CSMD1: variants seen among roughly 807,000 people sequenced by gnomAD.
CSMD1 encodes the protein CUB and sushi domain-containing protein 1.
CSMD1 carries 213 observed loss-of-function variants against 417.5 expected under a neutral mutation model. The observed-to-expected ratio is 0.51, with a 90% confidence interval of 0.46 to 0.57. CSMD1 has a LOEUF of 0.57. Among genes scored for constraint, CSMD1 ranks in the 20% least tolerant of loss-of-function variants. CSMD1 has a pLI of 0.00. For synonymous variants in CSMD1, 2,862 were observed against 1,736.8 expected (o/e 1.65, Z -16.11); for missense variants, 6,923 against 4,529.7 (o/e 1.53, Z -15.17).
chr8:3,494,727 G>C, intron 10 of CSMD1, among the ~76,000 whole-genome samples: 1 of 152,096 alleles, frequency 6.6e-6, no homozygotes, highest in East Asian at 1.9e-4. Flanking sequence ...CAAGAGAGAC[G>C]CAGAGGGTGT....
At chr8:4,117,900 T>C (rs1802250673) in intron 3 of CSMD1, among the ~76,000 whole-genome samples, 1 of 150,556 alleles carries the variant, frequency 6.6e-6, no homozygotes, top group Non-Finnish European at 1.5e-5. Flanking sequence ...AGGAAAGACA[T>C]TTAAAACTAG....
At chr8:3,276,342 A>G (rs1005665607) in intron 26 of CSMD1, among the ~76,000 whole-genome samples, 1 of 152,170 alleles carries the variant, frequency 6.6e-6, no homozygotes, top group East Asian at 1.9e-4. Flanking sequence ...ATGGAAATGC[A>G]GAAATCACCC....
At chr8:3,391,718 T>G (rs1377314559) in intron 17 of CSMD1, among the ~76,000 whole-genome samples, 7 of 152,204 alleles carry the variant, frequency 4.6e-5, no homozygotes, top group African/African-American at 1.7e-4. Flanking sequence ...GTAGCTCACA[T>G]TGCCTTGTAG....
At chr8:3,724,572 G>C (rs191404502) in intron 6 of CSMD1, among the ~76,000 whole-genome samples, 1 of 152,010 alleles carries the variant, frequency 6.6e-6, no homozygotes, top group African/African-American at 2.4e-5. Context: ...CCTTCCTCTG[G>C]GCTGGGAGAG....
In CSMD1 at chr8:3,586,222, T is replaced by C. The variant is rs1412878204; in HGVS notation, c.1136A>G (p.Tyr379Cys). 5.0e-6 allele frequency: 8 copies of C among 1,610,624 alleles called. No individual in the cohort carries two copies. The highest frequency in any genetic ancestry group is 5.1e-6 in the Non-Finnish European group (6 of 1,179,274). ...ANVQFSCEDNYVLQGSKSITC... is the reference protein window; with the variant it reads ...ANVQFSCEDNCVLQGSKSITC... ...GATGCTTTTAGATCCCTGGAGCACG[T>C]AATTGTCCTCACATGAAAACTGTAC... The change falls in exon 9 of 70, where the codon TAC becomes TGC. Residue 379 changes from tyrosine (Y) to cysteine (C), a missense_variant. By Grantham distance (194) the Tyr-to-Cys change is radical. Coordinates refer to ENST00000635120, the MANE Select transcript of CSMD1 (RefSeq NM_033225.6).
chr8:3,328,513 G>A (rs1806683940), intron 23 of CSMD1, among the ~76,000 whole-genome samples: 1 of 152,164 alleles, frequency 6.6e-6, no homozygotes. Context: ...TGTTCAGACT[G>A]TCATATGATC....
chr8:3,409,816 T>C (rs1314907650), intron 12 of CSMD1, among the ~76,000 whole-genome samples: 1 of 152,194 alleles, frequency 6.6e-6, no homozygotes, highest in Admixed American at 6.5e-5. Flanking sequence ...GGTATTTAAT[T>C]TGCTATCTTT....
chr8:3,984,013 G>C (rs1189731818), intron 5 of CSMD1, among the ~76,000 whole-genome samples: 2 of 148,540 alleles, frequency 1.3e-5, no homozygotes, highest in East Asian at 3.9e-4. Flanking sequence ...TGATGGGGCT[G>C]TCAATTGCAG....
At chr8:3,595,036 C>T (rs1165588302) in intron 8 of CSMD1, among the ~76,000 whole-genome samples, 1 of 152,204 alleles carries the variant, frequency 6.6e-6, no homozygotes, top group Non-Finnish European at 1.5e-5. Context: ...ATCCACGCGG[C>T]ACGTGAACCC....
intron 1 of CSMD1, among the ~76,000 whole-genome samples, chr8:4,697,462 A>C (rs1385334270): frequency 1.3e-5 from 2 of 152,136 alleles, no homozygotes; most frequent in African/African-American, 4.8e-5. Flanking sequence ...AATACGTAAA[A>C]AATTTGGCAG....
chr8:3,158,317 A>G (rs1262657777), intron 38 of CSMD1, among the ~76,000 whole-genome samples: 1 of 152,028 alleles, frequency 6.6e-6, no homozygotes, highest in Non-Finnish European at 1.5e-5. Context: ...CTTTTGGCCT[A>G]AGAAGCTGAA....
intron 3 of CSMD1, among the ~76,000 whole-genome samples, chr8:4,302,546 G>C (rs184303359): frequency 6.6e-6 from 1 of 152,116 alleles, no homozygotes; most frequent in Non-Finnish European, 1.5e-5. Flanking sequence ...AGACCGTCTT[G>C]AAAGTCAGGT....
At chr8:4,722,135 A>G (rs1225178726) in intron 1 of CSMD1, among the ~76,000 whole-genome samples, 2 of 152,098 alleles carry the variant, frequency 1.3e-5, no homozygotes, top group African/African-American at 4.8e-5. Context: ...TGTATACTGG[A>G]AATTTACTAA....
chr8:4,039,461 A>G (rs1348474629), intron 3 of CSMD1, among the ~76,000 whole-genome samples: 1 of 152,140 alleles, frequency 6.6e-6, no homozygotes, highest in Admixed American at 6.5e-5. Context: ...GAAACCTTAC[A>G]TTTCTTCTCT....
chr8:4,447,116 G>T (rs1798861985), intron 2 of CSMD1, among the ~76,000 whole-genome samples: 1 of 152,038 alleles, frequency 6.6e-6, no homozygotes, highest in Admixed American at 6.6e-5. Context: ...TTACTTAAAT[G>T]TACATTTGCA....
At chr8:4,454,410 A>G (rs2129867089) in intron 2 of CSMD1, among the ~76,000 whole-genome samples, 1 of 152,278 alleles carries the variant, frequency 6.6e-6, no homozygotes, top group South Asian at 2.1e-4. Context: ...TACCTCTAGG[A>G]GATCTTCTTT....
At chr8:4,402,796 T>C (rs1585020775) in intron 3 of CSMD1, among the ~76,000 whole-genome samples, 1 of 124,190 alleles carries the variant, frequency 8.1e-6, no homozygotes, top group East Asian at 2.5e-4. Context: ...GTCCTCACTT[T>C]TTTCTTTTTT....
intron 5 of CSMD1, among the ~76,000 whole-genome samples, chr8:3,982,318 A>G (rs1290524095): frequency 6.6e-6 from 1 of 151,774 alleles, no homozygotes; most frequent in African/African-American, 2.4e-5. Context: ...AAATTACACA[A>G]TCCTTCTCTG....
chr8:4,519,038 C>T (rs756306341), intron 2 of CSMD1, among the ~76,000 whole-genome samples: 2 of 152,136 alleles, frequency 1.3e-5, no homozygotes, highest in Non-Finnish European at 2.9e-5. Flanking sequence ...CTCCTTATGG[C>T]TAGTTTTTTC....
Sources: allele counts gnomAD v4.1 joint callset (sites outside exome capture counted in the v4.1 genomes callset), GRCh38; gene constraint gnomAD v4.1.1; transcripts MANE v1.5; gene names NCBI Gene and HGNC (gene_info 2026-07-23, HGNC 2026-07-21).